The following RNLS variants were observed in gnomAD, a reference collection of about 807,000 sequenced individuals.
The protein encoded by RNLS is renalase.
Under a neutral mutation model 39.8 loss-of-function variants are expected in RNLS, and 39 were observed. The ratio of observed to expected loss-of-function variants is 0.98; its 90% confidence interval spans 0.76 to 1.28. The LOEUF is 1.28. Among genes scored for constraint, RNLS ranks in the 50% most tolerant of loss-of-function variants. The pLI is 0.00. For synonymous variants in RNLS, 147 were observed against 150.7 expected (o/e 0.98, Z 0.18); for missense variants, 410 against 413.3 (o/e 0.99, Z 0.07).
At chr10:88,349,706 T>A (rs1293897083) in intron 5 of RNLS, among the ~76,000 whole-genome samples, 1 of 151,902 alleles carries the variant, frequency 6.6e-6, no homozygotes, top group Non-Finnish European at 1.5e-5. Context: ...TTTTTACGTA[T>A]GTATATATGT....
the RNLS span, among the ~76,000 whole-genome samples, chr10:88,252,739 C>A: frequency 2.6e-5 from 4 of 152,186 alleles, no homozygotes; most frequent in Non-Finnish European, 4.4e-5. Flanking sequence ...AGGGCTGAAG[C>A]TTATTCACAT....
downstream of RNLS, among the ~76,000 whole-genome samples, chr10:88,282,168 C>T (rs960454110): frequency 2.6e-5 from 4 of 152,096 alleles, no homozygotes; most frequent in Admixed American, 6.6e-5. Flanking sequence ...CCATATTAGA[C>T]TCCTGTATAT....
chr10:88,379,752 A>AGAT (rs936040503), intron 4 of RNLS, among the ~76,000 whole-genome samples: 3 of 152,228 alleles, frequency 2.0e-5, no homozygotes, highest in African/African-American at 7.2e-5. Context: ...AAGTCATAAA[A>AGAT]GATGATACAA....
intron 4 of RNLS, among the ~76,000 whole-genome samples, chr10:88,509,072 T>A (rs1180005597): frequency 6.6e-6 from 1 of 152,128 alleles, no homozygotes; most frequent in Non-Finnish European, 1.5e-5. Flanking sequence ...CTTCCTTCAT[T>A]CCTGAATGGA....
intron 4 of RNLS, among the ~76,000 whole-genome samples, chr10:88,570,682 T>C (rs1261195964): frequency 6.6e-6 from 1 of 152,218 alleles, no homozygotes; most frequent in Non-Finnish European, 1.5e-5. Context: ...TCTCTTGAAA[T>C]TTAAGTCTTG....
the RNLS span, among the ~76,000 whole-genome samples, chr10:88,221,997 A>G: frequency 6.6e-6 from 1 of 152,148 alleles, no homozygotes; most frequent in Non-Finnish European, 1.5e-5. Context: ...TGCATGCTGG[A>G]TGGAAAGTTG....
chr10:88,526,624 G>A (rs1847114042), intron 4 of RNLS, among the ~76,000 whole-genome samples: 1 of 151,962 alleles, frequency 6.6e-6, no homozygotes, highest in Non-Finnish European at 1.5e-5. Flanking sequence ...ACGTAGCCAG[G>A]CATAGTGGTT....
chr10:88,394,324 A>G (rs1475730042), intron 4 of RNLS, among the ~76,000 whole-genome samples: 1 of 152,230 alleles, frequency 6.6e-6, no homozygotes, highest in Non-Finnish European at 1.5e-5. Flanking sequence ...CAGAATCTAC[A>G]ATGAACTCAA....
the RNLS span, among the ~76,000 whole-genome samples, chr10:88,214,039 T>C: frequency 6.6e-6 from 1 of 152,104 alleles, no homozygotes; most frequent in Non-Finnish European, 1.5e-5. Flanking sequence ...ACTCGGTTTC[T>C]CTCCATTTCT....
chr10:88,579,937 A>T (rs908548680), intron 3 of RNLS, among the ~76,000 whole-genome samples: 2 of 152,352 alleles, frequency 1.3e-5, no homozygotes, highest in African/African-American at 4.8e-5. Flanking sequence ...AGGCCTACAT[A>T]GGACAAACGC....
intron 4 of RNLS, among the ~76,000 whole-genome samples, chr10:88,371,100 A>G (rs1850524887): frequency 6.6e-6 from 1 of 152,168 alleles, no homozygotes; most frequent in African/African-American, 2.4e-5. Flanking sequence ...TCTGTGTGAC[A>G]TTGGACGAGC....
intron 4 of RNLS, among the ~76,000 whole-genome samples, chr10:88,563,206 A>T (rs998009511): frequency 2.0e-5 from 3 of 152,164 alleles, no homozygotes; most frequent in African/African-American, 7.2e-5. Context: ...ATGAAACCTG[A>T]TTCTAAAGTA....
chr10:88,378,208 T>TAAA (rs544417110), intron 4 of RNLS, among the ~76,000 whole-genome samples: 1 of 148,158 alleles, frequency 6.7e-6, no homozygotes, highest in Non-Finnish European at 1.5e-5. Context: ...TACAGCTAAC[T>TAAA]AAAAAAAAAA....
At chr10:88,200,991 C>CTT in the RNLS span, among the ~76,000 whole-genome samples, 23,694 of 147,386 alleles carry the variant, frequency 0.16, 2,000 homozygotes, top group Middle Eastern at 0.2. Context: ...AAAATGAATC[C>CTT]TTTTTTTTTT....
chr10:88,516,042 A>C (rs1589937336), intron 4 of RNLS, among the ~76,000 whole-genome samples: 1 of 152,070 alleles, frequency 6.6e-6, no homozygotes, highest in Admixed American at 6.6e-5. Context: ...GTAAGGACAC[A>C]GCGAGAAGGC....
the RNLS span, among the ~76,000 whole-genome samples, chr10:88,231,277 G>A: frequency 6.6e-6 from 1 of 152,192 alleles, no homozygotes; most frequent in Admixed American, 6.5e-5. Flanking sequence ...GAGGAGATTA[G>A]GATACAGATG....
the RNLS span, among the ~76,000 whole-genome samples, chr10:88,259,734 A>T: frequency 1.3e-5 from 2 of 152,140 alleles, no homozygotes; most frequent in Admixed American, 6.5e-5. Flanking sequence ...GAAATTAAAG[A>T]TAGACTTTTT....
intron 6 of RNLS, among the ~76,000 whole-genome samples, chr10:88,309,713 A>G (rs1056764324): frequency 4.6e-5 from 7 of 152,204 alleles, no homozygotes; most frequent in Admixed American, 6.5e-5. Flanking sequence ...GAAAGGAAAG[A>G]AAAAATGACA....
chr10:88,550,183 T>C (rs1385531385), intron 4 of RNLS, among the ~76,000 whole-genome samples: 1 of 152,254 alleles, frequency 6.6e-6, no homozygotes, highest in Admixed American at 6.5e-5. Context: ...TATTTATGTT[T>C]ATAAAACTTC....
Sources: gnomAD v4.1 joint callset for allele counts (sites outside exome capture counted in the v4.1 genomes callset) on GRCh38, gnomAD v4.1.1 for gene constraint, MANE v1.5 for transcripts, NCBI Gene and HGNC (gene_info 2026-07-23, HGNC 2026-07-21) for gene names.